NRXN3: variants seen among roughly 807,000 people sequenced by gnomAD.
NRXN3 encodes neurexin 3.
In NRXN3, 32 loss-of-function variants were observed where a neutral mutation model predicts 137.6. The ratio of observed to expected loss-of-function variants is 0.23; its 90% CI spans 0.18 to 0.31. The LOEUF (loss-of-function observed/expected upper bound fraction) is 0.31, where lower values mean the gene tolerates loss of function less well. Among genes scored for constraint, NRXN3 ranks in the 10% least tolerant of loss-of-function variants. The pLI is 1.00. For synonymous variants in NRXN3, 798 were observed against 784.5 expected (o/e 1.02, Z -0.29); for missense variants, 1,574 against 2,062.5 (o/e 0.76, Z 4.59).
intron 4 of NRXN3, among the ~76,000 whole-genome samples, chr14:78,598,003 G>A (rs1265585137): frequency 6.6e-6 from 1 of 152,152 alleles, no homozygotes; most frequent in African/African-American, 2.4e-5. Flanking sequence ...GAACTCAAAA[G>A]GTCTCTGCTT....
intron 15 of NRXN3, among the ~76,000 whole-genome samples, chr14:79,332,245 C>T (rs2091788543): frequency 1.3e-5 from 2 of 152,178 alleles, no homozygotes; most frequent in African/African-American, 4.8e-5. Flanking sequence ...CTGCTTATTG[C>T]TTTTGCCTCT....
intron 4 of NRXN3, among the ~76,000 whole-genome samples, chr14:78,522,304 C>A (rs2096294868): frequency 1.3e-5 from 2 of 152,278 alleles, no homozygotes; most frequent in African/African-American, 4.8e-5. Context: ...GTAAGTGTTA[C>A]ATAACCATGA....
chr14:78,477,779 A>G (rs528842633), intron 4 of NRXN3, among the ~76,000 whole-genome samples: 246 of 152,360 alleles, frequency 1.6e-3, no homozygotes, highest in African/African-American at 5.6e-3. Context: ...GTTGCAGGCA[A>G]TAACAAGAAC....
At chr14:78,920,881 T>C (rs1453156318) in intron 10 of NRXN3, among the ~76,000 whole-genome samples, 3 of 152,228 alleles carry the variant, frequency 2.0e-5, no homozygotes, top group Non-Finnish European at 4.4e-5. Context: ...CCTGGCACAC[T>C]GCCCTGCCAG....
At chr14:79,149,543 A>G (rs1371768251) in intron 15 of NRXN3, among the ~76,000 whole-genome samples, 1 of 152,138 alleles carries the variant, frequency 6.6e-6, no homozygotes, top group Non-Finnish European at 1.5e-5. Flanking sequence ...TCTGTTATAA[A>G]GAGACATGCA....
chr14:78,920,815 G>T (rs1056225124), intron 10 of NRXN3, among the ~76,000 whole-genome samples: 1 of 152,168 alleles, frequency 6.6e-6, no homozygotes, highest in African/African-American at 2.4e-5. Context: ...CAGCCAAATT[G>T]AAGAGATGTA....
At chr14:79,061,290 G>A (rs999045654) in intron 15 of NRXN3, among the ~76,000 whole-genome samples, 2 of 152,128 alleles carry the variant, frequency 1.3e-5, no homozygotes, top group African/African-American at 4.8e-5. Flanking sequence ...CTTTTGTAAT[G>A]GTAATTCATG....
chr14:79,850,682 C>T (rs1226017467), intron 20 of NRXN3, among the ~76,000 whole-genome samples: 2 of 151,994 alleles, frequency 1.3e-5, no homozygotes, highest in African/African-American at 2.4e-5. Flanking sequence ...ATTCTTAGTA[C>T]CCAGAATAAA....
chr14:79,597,639 A>G (rs1264232189), intron 16 of NRXN3, among the ~76,000 whole-genome samples: 1 of 152,096 alleles, frequency 6.6e-6, no homozygotes, highest in Non-Finnish European at 1.5e-5. Flanking sequence ...CTTGGTCTCA[A>G]CCAGACCCAT....
intron 1 of NRXN3, among the ~76,000 whole-genome samples, chr14:78,225,451 G>GT (rs1335142178): frequency 6.6e-6 from 1 of 151,460 alleles, no homozygotes; most frequent in African/African-American, 2.4e-5. Flanking sequence ...GGGGTTGTTT[G>GT]TTTTTTTCTT....
intron 4 of NRXN3, among the ~76,000 whole-genome samples, chr14:78,422,827 G>T (rs561747736): frequency 6.6e-6 from 1 of 152,142 alleles, no homozygotes; most frequent in Non-Finnish European, 1.5e-5. Flanking sequence ...GCTATGAAAC[G>T]CCAGTGCATT....
intron 15 of NRXN3, among the ~76,000 whole-genome samples, chr14:79,244,052 C>A (rs1207387224): frequency 6.6e-6 from 1 of 152,096 alleles, no homozygotes; most frequent in Non-Finnish European, 1.5e-5. Flanking sequence ...GCACAATTAT[C>A]CTGGCTCTAT....
chr14:78,783,374 T>C (rs1159976981), intron 8 of NRXN3, among the ~76,000 whole-genome samples: 2 of 152,006 alleles, frequency 1.3e-5, no homozygotes, highest in Non-Finnish European at 2.9e-5. Context: ...TAAAAAGACA[T>C]GAAAGACAAC....
chr14:78,924,327 A>C lies in NRXN3; in HGVS notation c.2276-32915A>C, dbSNP rs150387567. Among the ~76,000 whole-genome samples the C allele has an allele frequency of 2.5e-3, 386 of 152,372 alleles. 1 individual carries two copies. The highest frequency in any genetic ancestry group is 3.7e-3 in the Non-Finnish European group (253 of 68,042). ...TTAGTAAGTGCCAGGTTTTATCTTA[A>C]GTAGTTTATGTGCAAACCCGATAAC... On this transcript the variant is annotated intron_variant, in intron 10 of 20. Coordinates refer to ENST00000335750, the MANE Select transcript of NRXN3 (RefSeq NM_001330195.2).
intron 17 of NRXN3, among the ~76,000 whole-genome samples, chr14:79,667,917 C>T (rs1397141574): frequency 4.6e-5 from 7 of 151,860 alleles, no homozygotes; most frequent in Admixed American, 1.3e-4. Context: ...AGTGGGTGGC[C>T]GGTGATACTG....
At position 78,403,947 on chromosome 14, in the gene NRXN3, T is replaced by A. The variant is rs1206700189; in HGVS notation, c.757+106087T>A. ...TGCGGTGGGGGTGGGCTGTTCCCCA[T>A]TTGCCTTACATTGGATGTATTTTAT... On this transcript the variant is annotated intron_variant, in intron 4 of 20. Coordinates refer to ENST00000335750, the MANE Select transcript of NRXN3 (RefSeq NM_001330195.2). 3.3e-6 allele frequency: 3 copies of A among 918,554 alleles called. No individual in the cohort carries two copies. In the East Asian group the frequency reaches 3.5e-4, roughly 108 times the overall value. The allele number at this position is 918,554 out of a possible 1,614,324, so 56.9% of individuals were successfully genotyped here. A position where few individuals can be genotyped will look rare whatever the true frequency, so the allele number is the denominator to read the frequency against.
intron 4 of NRXN3, among the ~76,000 whole-genome samples, chr14:78,573,670 G>A (rs918142947): frequency 2.6e-5 from 4 of 152,256 alleles, no homozygotes; most frequent in Admixed American, 2.6e-4. Flanking sequence ...AAAGCATTCA[G>A]TTATATGTAT....
At chr14:78,529,172 A>T (rs2096424784) in intron 4 of NRXN3, among the ~76,000 whole-genome samples, 1 of 152,304 alleles carries the variant, frequency 6.6e-6, no homozygotes, top group South Asian at 2.1e-4. Flanking sequence ...TAGCGTCCTT[A>T]AACTGTACAA....
At chr14:78,362,683 GT>G (rs1386962356) in intron 4 of NRXN3, among the ~76,000 whole-genome samples, 1 of 152,210 alleles carries the variant, frequency 6.6e-6, no homozygotes, top group African/African-American at 2.4e-5. Flanking sequence ...TAAGAATTTG[GT>G]TTTGTTTTAA....
Sources: allele counts gnomAD v4.1 joint callset (sites outside exome capture counted in the v4.1 genomes callset), GRCh38; gene constraint gnomAD v4.1.1; transcripts MANE v1.5; gene names NCBI Gene and HGNC (gene_info 2026-07-23, HGNC 2026-07-21).